The following EHBP1 variants were observed in gnomAD, a reference collection of about 807,000 sequenced individuals.
EHBP1 encodes the protein EH domain-binding protein 1.
A neutral mutation model predicts 144.0 loss-of-function variants in EHBP1; 55 were observed. The ratio of observed to expected loss-of-function variants is 0.38; its 90% CI spans 0.31 to 0.48. The LOEUF is 0.48. EHBP1 is among the 20% of genes least tolerant of loss of function. The pLI is 0.98. For synonymous variants in EHBP1, 469 were observed against 472.7 expected, an observed-to-expected ratio of 0.99 and a Z score of 0.10; for missense variants, 1,200 against 1,364.2, an observed-to-expected ratio of 0.88 and a Z score of 1.90.
chr2:62,924,925 T>C (rs1050343005), intron 10 of EHBP1, among the ~76,000 whole-genome samples: 30 of 152,192 alleles, frequency 2.0e-4, no homozygotes, highest in Admixed American at 1.3e-4. Context: ...CCAGTATCCC[T>C]GATGAACGTG....
intron 10 of EHBP1, among the ~76,000 whole-genome samples, chr2:62,937,350 A>G (rs2056450652): frequency 6.6e-6 from 1 of 152,226 alleles, no homozygotes; most frequent in Non-Finnish European, 1.5e-5. Context: ...ATTGGAAGTA[A>G]GAGTACCTAT....
chr2:62,861,880 A>G (rs1198532816), intron 8 of EHBP1, among the ~76,000 whole-genome samples: 1 of 152,124 alleles, frequency 6.6e-6, no homozygotes, highest in East Asian at 1.9e-4. Context: ...TGCTTGGATT[A>G]ATTTTTGCAA....
At position 62,949,010 on chromosome 2, in the gene EHBP1, A is replaced by G. The variant is rs147461972; in HGVS notation, c.2164A>G (p.Ser722Gly). The part of the protein sequence containing the change: ...SDPESPIKKT[S>G]LSPTSKLGYS... ...TCCAGAATCTCCTATCAAAAAAACA[A>G]GTTTATCTCCTACTTCTAAACTTGG... is the stretch of plus-strand genomic sequence containing the variant. Residue 722 changes from serine to glycine, a missense_variant, in exon 13 of 23, where the codon AGT becomes GGT. Around this residue, in one of 6 missense-constraint regions of EHBP1, gnomAD observed 543 missense variants for 513.1 expected, o/e 1.06. Transcript: ENST00000431489. 9.9e-6 allele frequency: 16 copies of G among 1,613,774 alleles called. No individual in the cohort carries two copies. The highest frequency in any genetic ancestry group is 1.3e-5 in the Non-Finnish European group (15 of 1,179,960).
chr2:62,948,203 A>G, intron 12 of EHBP1, 57 bp from the exon 13 acceptor site: 4 of 1,408,586 alleles, frequency 2.8e-6, no homozygotes, highest in Non-Finnish European at 2.8e-6. Flanking sequence ...GCTCTTTTTA[A>G]AATGTGTGAA....
chr2:62,793,945 G>C (rs543382653), intron 5 of EHBP1, among the ~76,000 whole-genome samples: 1 of 152,094 alleles, frequency 6.6e-6, no homozygotes, highest in Non-Finnish European at 1.5e-5. Context: ...AGTCTTACTT[G>C]ATATAGTTTT....
rs746813164 is a variant in EHBP1 at position 62,747,376 on chromosome 2, C to CT, written c.105-10dup. On this transcript the variant is annotated intron_variant, in intron 2 of 22. Transcript: ENST00000431489. ...TTTATTTAAGATAAATTATGTTTAA[C>CT]TTTTTTTTTGTTTGGCAGGCAACCA... The CT allele has an allele frequency of 8.2e-5, 129 of 1,577,336 alleles. No individual in the cohort carries two copies. The highest frequency in any genetic ancestry group is 2.1e-4 in the Admixed American group (12 of 57,632).
chr2:62,917,195 G>T (rs2054692753), intron 10 of EHBP1, among the ~76,000 whole-genome samples: 1 of 152,084 alleles, frequency 6.6e-6, no homozygotes, highest in Non-Finnish European at 1.5e-5. Flanking sequence ...AATAGTATTT[G>T]TGTATCTAAA....
At chr2:62,932,748 G>T (rs2056100823) in intron 10 of EHBP1, among the ~76,000 whole-genome samples, 1 of 152,066 alleles carries the variant, frequency 6.6e-6, no homozygotes, top group South Asian at 2.1e-4. Flanking sequence ...GAGATCAGGA[G>T]TTTGAGACCA....
At chr2:62,926,032 A>G (rs888405604) in intron 10 of EHBP1, among the ~76,000 whole-genome samples, 2 of 152,236 alleles carry the variant, frequency 1.3e-5, no homozygotes, top group Non-Finnish European at 2.9e-5. Context: ...CCAAAACAGC[A>G]TGGTACTAGC....
chr2:62,706,130 G>C (rs577460693), intron 1 of EHBP1, 78 bp downstream of exon 1: 4 of 154,214 alleles, frequency 2.6e-5, no homozygotes, highest in Non-Finnish European at 5.8e-5. Flanking sequence ...GGTATCGCCT[G>C]GGTGACAGGG....
At chr2:62,729,365 T>G (rs536449255) in intron 2 of EHBP1, among the ~76,000 whole-genome samples, 2 of 124,948 alleles carry the variant, frequency 1.6e-5, no homozygotes, top group African/African-American at 3.0e-5. Flanking sequence ...ATAAATATAA[T>G]ATAATATAAT....
chr2:63,000,930 A>G (rs1215504239), intron 19 of EHBP1, among the ~76,000 whole-genome samples: 1 of 152,058 alleles, frequency 6.6e-6, no homozygotes, highest in Non-Finnish European at 1.5e-5. Context: ...AAAACTTATT[A>G]GTTAGAAATA....
intron 8 of EHBP1, among the ~76,000 whole-genome samples, chr2:62,863,022 C>T (rs551148375): frequency 6.6e-6 from 1 of 152,280 alleles, no homozygotes; most frequent in Non-Finnish European, 1.5e-5. Flanking sequence ...GTGGCTCACG[C>T]CTGTAATCCC....
intron 2 of EHBP1, among the ~76,000 whole-genome samples, chr2:62,709,115 G>A (rs1270565018): frequency 2.6e-5 from 4 of 152,156 alleles, no homozygotes; most frequent in African/African-American, 7.2e-5. Flanking sequence ...GTGACTGGAA[G>A]CAGCAATATT....
At chr2:62,887,979 AT>A (rs1490170396) in intron 10 of EHBP1, among the ~76,000 whole-genome samples, 1 of 152,212 alleles carries the variant, frequency 6.6e-6, no homozygotes. Flanking sequence ...GTTGAAAAAC[AT>A]TCCTTTTTTC....
chr2:62,681,902 G>C lies in EHBP1; in HGVS notation c.-296+7819G>C, dbSNP rs568049726. The stretch of plus-strand genomic sequence containing the variant: ...AATATTGGAAAGAGCCATTACAGAG[G>C]AAATGATTAGATAGATACTCTGTTC... On this transcript the variant is annotated intron_variant, in intron 1 of 22. Transcript: ENST00000405015. Among the ~76,000 whole-genome samples, 8 of 152,302 alleles carry C rather than the reference G, an allele frequency of 5.3e-5. No individual in the cohort carries two copies. The South Asian group carries it at 1.2e-3, about 24-fold the overall frequency.
At chr2:62,822,258 C>T (rs1453138775) in intron 5 of EHBP1, among the ~76,000 whole-genome samples, 1 of 152,106 alleles carries the variant, frequency 6.6e-6, no homozygotes, top group Admixed American at 6.6e-5. Flanking sequence ...TGCATTGTTA[C>T]TACTTGAATA....
chr2:62,957,885 A>G (rs1004093332), intron 14 of EHBP1, among the ~76,000 whole-genome samples: 5 of 151,986 alleles, frequency 3.3e-5, no homozygotes, highest in Admixed American at 1.3e-4. Context: ...TGACCTCGTG[A>G]TCCGCCCGCC....
chr2:63,018,331 T>G (rs1367090239), intron 19 of EHBP1, among the ~76,000 whole-genome samples: 1 of 152,256 alleles, frequency 6.6e-6, no homozygotes, highest in African/African-American at 2.4e-5. Context: ...CAAGTCTTCT[T>G]TATTCTCACA....
Sources: gnomAD v4.1 joint callset for allele counts (sites outside exome capture counted in the v4.1 genomes callset) on GRCh38, gnomAD v4.1.1 for gene constraint, gnomAD v4.1.1 regional missense constraint, MANE v1.5 for transcripts, NCBI Gene and HGNC (gene_info 2026-07-23, HGNC 2026-07-21) for gene names.